Variants in PPP6R3 observed in about 807,000 individuals in gnomAD.
PPP6R3 encodes the protein serine/threonine-protein phosphatase 6 regulatory subunit 3.
In PPP6R3, 38 loss-of-function variants were observed where a neutral mutation model predicts 110.7. The ratio of observed to expected loss-of-function variants is 0.34; its 90% CI spans 0.26 to 0.45. The LOEUF is 0.45. Among genes scored for constraint, PPP6R3 ranks in the 20% least tolerant of loss-of-function variants. The pLI is 1.00. For missense variants in PPP6R3, 870 were observed against 1,062.4 expected, an observed-to-expected ratio of 0.82 and a Z score of 2.52; for synonymous variants, 369 against 373.5, an observed-to-expected ratio of 0.99 and a Z score of 0.14.
At position 68,579,631 on chromosome 11, in the gene PPP6R3, A is replaced by G. The variant is rs1167734570; in HGVS notation, c.1546-3412A>G. On this transcript the variant is annotated intron_variant, in intron 14 of 23. Coordinates refer to ENST00000393800, the MANE Select transcript of PPP6R3 (RefSeq NM_001164161.2). ...TCTGCTTCAGTGGAGATGGATAAAC[A>G]AATGAGTAAGAGACACGTGTGCACA... is the stretch of plus-strand genomic sequence containing the variant. Among the ~76,000 whole-genome samples, 4 of 152,400 alleles carry G rather than the reference A, an allele frequency of 2.6e-5. No homozygotes were observed. The East Asian group carries it at 5.8e-4, about 22-fold the overall frequency.
chr11:68,582,327 A>C (rs939171878), intron 14 of PPP6R3, among the ~76,000 whole-genome samples: 1 of 152,244 alleles, frequency 6.6e-6, no homozygotes, highest in Admixed American at 6.5e-5. Context: ...TCTGATTTCT[A>C]ATTGTTAATG....
chr11:68,481,225 A>G (rs1565312262), intron 1 of PPP6R3, among the ~76,000 whole-genome samples: 3 of 152,198 alleles, frequency 2.0e-5, no homozygotes, highest in Non-Finnish European at 2.9e-5. Context: ...CCGTGGAGGG[A>G]CATAATGACA....
intron 2 of PPP6R3, among the ~76,000 whole-genome samples, chr11:68,529,278 G>A (rs2099222179): frequency 6.6e-6 from 1 of 152,124 alleles, no homozygotes; most frequent in Admixed American, 6.5e-5. Flanking sequence ...GAGTGCAGTG[G>A]CACAATCTCG....
chr11:68,483,515 A>G (rs1027506698), intron 1 of PPP6R3, among the ~76,000 whole-genome samples: 2 of 152,214 alleles, frequency 1.3e-5, no homozygotes, highest in Admixed American at 1.3e-4. Context: ...TACACATTCT[A>G]TAAGTTTTTT....
chr11:68,549,490 A>G (rs970211412), intron 5 of PPP6R3, among the ~76,000 whole-genome samples: 1 of 152,052 alleles, frequency 6.6e-6, no homozygotes, highest in Non-Finnish European at 1.5e-5. Context: ...CACTGTGAGT[A>G]AACAGCTGGG....
At chr11:68,505,647 C>T (rs1565476098) in intron 1 of PPP6R3, among the ~76,000 whole-genome samples, 1 of 151,818 alleles carries the variant, frequency 6.6e-6, no homozygotes, top group African/African-American at 2.4e-5. Flanking sequence ...TTTTCACCAA[C>T]CTAATATAAG....
chr11:68,516,482 A>T (rs779185397), intron 1 of PPP6R3, among the ~76,000 whole-genome samples: 1 of 152,240 alleles, frequency 6.6e-6, no homozygotes, highest in Non-Finnish European at 1.5e-5. Flanking sequence ...CTCATTATGT[A>T]TATGCAGATA....
intron 1 of PPP6R3, among the ~76,000 whole-genome samples, chr11:68,506,650 G>A (rs1360451692): frequency 2.0e-5 from 3 of 151,898 alleles, no homozygotes; most frequent in Non-Finnish European, 4.4e-5. Flanking sequence ...CATTCACCAT[G>A]CTATGCACTA....
At chr11:68,479,197 A>G (rs777144649) in intron 1 of PPP6R3, among the ~76,000 whole-genome samples, 1 of 152,202 alleles carries the variant, frequency 6.6e-6, no homozygotes, top group Non-Finnish European at 1.5e-5. Context: ...CAATTAAAAA[A>G]TAATGCGTGG....
chr11:68,587,616 A>C (rs555747579), intron 15 of PPP6R3: 21 of 410,440 alleles, frequency 5.1e-5, no homozygotes, highest in African/African-American at 3.9e-4. Flanking sequence ...GTTCCATGTC[A>C]TGTGATCACT....
chr11:68,554,921 T>G (rs989939101), intron 7 of PPP6R3, among the ~76,000 whole-genome samples: 1 of 152,270 alleles, frequency 6.6e-6, no homozygotes, highest in Non-Finnish European at 1.5e-5. Context: ...CTTCTATTGT[T>G]GTTTTTAATG....
chr11:68,554,300 C>G (rs1391271033), intron 7 of PPP6R3, 43 bp downstream of exon 7: 1 of 1,437,562 alleles, frequency 7.0e-7, no homozygotes, highest in Non-Finnish European at 9.7e-7. Context: ...CATATTGATG[C>G]TGTTCCATGT....
At chr11:68,477,024 G>C (rs2153337576) in intron 1 of PPP6R3, among the ~76,000 whole-genome samples, 1 of 147,138 alleles carries the variant, frequency 6.8e-6, no homozygotes, top group East Asian at 2.0e-4. Flanking sequence ...GTAAGACCCT[G>C]TTTCTTTAAA....
At position 68,613,386 on chromosome 11, in the gene PPP6R3, GC is replaced by G; in HGVS notation, c.*271del. 5 of 1,173,754 alleles carry G rather than the reference GC, an allele frequency of 4.3e-6. No individual in the cohort carries two copies. Among genetic ancestry groups the G allele is most frequent in the Non-Finnish European group, 5.3e-6 (5 of 950,374 alleles). The allele number at this position is 1,173,754 out of a possible 1,614,324, so 72.7% of individuals were successfully genotyped here. A position where few individuals can be genotyped will look rare whatever the true frequency, so the allele number is the denominator to read the frequency against. ...TGGGTAGCCTGTGAAATAAGATCTT[GC>G]CACCCATGTAATAATAGTAGTAATA... On this transcript the variant is annotated 3_prime_UTR_variant, in exon 24 of 24. Coordinates refer to ENST00000393800, the MANE Select transcript of PPP6R3 (RefSeq NM_001164161.2).
chr11:68,608,020 CG>C (rs1941253395), intron 22 of PPP6R3, among the ~76,000 whole-genome samples: 1 of 143,730 alleles, frequency 7.0e-6, no homozygotes. Flanking sequence ...CCTCCTTCCT[CG>C]GCAGGACTTC....
chr11:68,590,033 C>T (rs1172406427), intron 16 of PPP6R3, among the ~76,000 whole-genome samples: 2 of 152,220 alleles, frequency 1.3e-5, no homozygotes, highest in East Asian at 3.8e-4. Flanking sequence ...TGGACTCTTG[C>T]TTCATCTTCC....
intron 3 of PPP6R3, among the ~76,000 whole-genome samples, chr11:68,540,207 A>G (rs1244112790): frequency 6.6e-6 from 1 of 152,208 alleles, no homozygotes; most frequent in Non-Finnish European, 1.5e-5. Context: ...ATCTGCCCCG[A>G]TATTCACATA....
At chr11:68,606,497 G>A (rs926858747) in intron 22 of PPP6R3, among the ~76,000 whole-genome samples, 3 of 77,308 alleles carry the variant, frequency 3.9e-5, no homozygotes, top group African/African-American at 1.5e-4. Context: ...TTTTTTTTTT[G>A]TAGTGATGGG....
chr11:68,504,585 C>A (rs971307719), intron 1 of PPP6R3, among the ~76,000 whole-genome samples: 1 of 152,128 alleles, frequency 6.6e-6, no homozygotes, highest in Non-Finnish European at 1.5e-5. Flanking sequence ...TAAGTGTACC[C>A]CCTGTCAAGA....
Sources: allele counts gnomAD v4.1 joint callset (sites outside exome capture counted in the v4.1 genomes callset), GRCh38; gene constraint gnomAD v4.1.1; transcripts MANE v1.5; gene names NCBI Gene and HGNC (gene_info 2026-07-23, HGNC 2026-07-21).